VEPH1: variants seen among roughly 807,000 people sequenced by gnomAD.
VEPH1 encodes ventricular zone expressed PH domain containing 1.
A neutral mutation model predicts 85.2 loss-of-function variants in VEPH1; 80 were observed. The observed-to-expected ratio is 0.94, with a 90% CI of 0.78 to 1.13. VEPH1 has a LOEUF of 1.13. Ranked by LOEUF, VEPH1 falls within the 50% of genes most tolerant of loss-of-function variation. The probability of loss-of-function intolerance (pLI) is 0.00; values close to 1 mark genes in which losing one functional copy is unlikely to be tolerated. For synonymous variants in VEPH1, 297 were observed against 348.0 expected, an observed-to-expected ratio of 0.85 and a Z score of 1.63; for missense variants, 955 against 980.5, an observed-to-expected ratio of 0.97 and a Z score of 0.35.
chr3:157,370,211 G>C (rs969039365), intron 7 of VEPH1, among the ~76,000 whole-genome samples: 1 of 152,336 alleles, frequency 6.6e-6, no homozygotes, highest in African/African-American at 2.4e-5. Flanking sequence ...ACTTCCCTTA[G>C]AAACAAATTG....
intron 5 of VEPH1, among the ~76,000 whole-genome samples, chr3:157,417,902 A>G (rs1177407500): frequency 6.6e-6 from 1 of 152,186 alleles, no homozygotes; most frequent in Non-Finnish European, 1.5e-5. Context: ...TAGAGAAAAC[A>G]GGGAGAGATG....
chr3:157,366,577 A>G (rs1311212437), intron 7 of VEPH1, among the ~76,000 whole-genome samples: 2 of 152,110 alleles, frequency 1.3e-5, no homozygotes, highest in African/African-American at 4.8e-5. Flanking sequence ...TCTACTAAAA[A>G]TACAAAAATT....
chr3:157,313,268 A>T (rs1381124893), intron 11 of VEPH1, among the ~76,000 whole-genome samples: 1 of 152,026 alleles, frequency 6.6e-6, no homozygotes, highest in Non-Finnish European at 1.5e-5. Flanking sequence ...TACTGGCCTC[A>T]TATTATCCTC....
chr3:157,440,049 T>C (rs1026565443), intron 4 of VEPH1, among the ~76,000 whole-genome samples: 6 of 152,214 alleles, frequency 3.9e-5, no homozygotes, highest in Non-Finnish European at 5.9e-5. Context: ...CACTACTTTA[T>C]TGAAACTTTA....
chr3:157,369,188 A>AAAC lies in VEPH1; in HGVS notation c.1128-4677_1128-4676insGTT, dbSNP rs1553773075. On this transcript the variant is annotated intron_variant, in intron 7 of 13. Transcript: ENST00000362010. The stretch of plus-strand genomic sequence containing the variant: ...AACAACAAAAACCAAATGAAAAAAA[A>AAAC]AAAAAAAAAAAAAAAACCTCCTGAG... Among the ~76,000 whole-genome samples the AAAC allele has an allele frequency of 2.8e-5, 4 of 143,746 alleles. 1 individual carries two copies. The highest frequency in any genetic ancestry group is 6.1e-5 in the Non-Finnish European group (4 of 65,720). The allele number at this position is 143,746 out of a possible 152,430, so 94.3% of individuals were successfully genotyped here. A position where few individuals can be genotyped will look rare whatever the true frequency, so the allele number is the denominator to read the frequency against.
At chr3:157,484,049 C>T (rs1021624504) in intron 2 of VEPH1, among the ~76,000 whole-genome samples, 3 of 151,868 alleles carry the variant, frequency 2.0e-5, no homozygotes, top group African/African-American at 7.3e-5. Flanking sequence ...ATAGTGAAAC[C>T]ATAGAACACC....
intron 3 of VEPH1, among the ~76,000 whole-genome samples, chr3:157,469,198 C>A (rs944731192): frequency 2.0e-5 from 3 of 152,266 alleles, no homozygotes; most frequent in African/African-American, 4.8e-5. Context: ...CCCCACCAAC[C>A]CTTAACCCTG....
intron 4 of VEPH1, among the ~76,000 whole-genome samples, chr3:157,433,102 TATTA>T (rs916825455): frequency 1.3e-5 from 2 of 152,172 alleles, no homozygotes; most frequent in African/African-American, 4.8e-5. Flanking sequence ...GCTCAGTTCT[TATTA>T]ATATGTCTTT....
chr3:157,502,739 A>G (rs181747842), intron 1 of VEPH1, among the ~76,000 whole-genome samples: 52 of 152,310 alleles, frequency 3.4e-4, no homozygotes, highest in African/African-American at 1.3e-3. Flanking sequence ...TATCTGAAAG[A>G]GTAAAAAAGT....
chr3:157,283,033 G>A (rs1381564381), intron 12 of VEPH1, among the ~76,000 whole-genome samples: 4 of 152,316 alleles, frequency 2.6e-5, no homozygotes, highest in South Asian at 2.1e-4. Flanking sequence ...TTTCCTGCAA[G>A]TAATAATTTC....
chr3:157,359,096 C>T (rs1725764324), intron 9 of VEPH1, among the ~76,000 whole-genome samples: 1 of 152,198 alleles, frequency 6.6e-6, no homozygotes, highest in Non-Finnish European at 1.5e-5. Context: ...ATAAGTCAGC[C>T]TTGCTGATAC....
chr3:157,421,918 G>T (rs1732372341), intron 5 of VEPH1, among the ~76,000 whole-genome samples: 1 of 152,038 alleles, frequency 6.6e-6, no homozygotes, highest in Non-Finnish European at 1.5e-5. Flanking sequence ...TCTTTGTTCT[G>T]GGATCCACAC....
intron 2 of VEPH1, among the ~76,000 whole-genome samples, chr3:157,472,550 A>C (rs1376567768): frequency 6.6e-6 from 1 of 152,098 alleles, no homozygotes; most frequent in East Asian, 1.9e-4. Context: ...TCAGGGGTAC[A>C]TGTGCAAGTT....
chr3:157,284,275 A>G lies in VEPH1; in HGVS notation c.2128+2282T>C, dbSNP rs545549975. On this transcript the variant is annotated intron_variant, in intron 12 of 13. Coordinates refer to ENST00000362010, the MANE Select transcript of VEPH1 (RefSeq NM_001167912.2). ...GCTAAAAACATAAAAGAAGTATGCT[A>G]GATTTTTTCGAATACACCTTTTGGC... is the stretch of plus-strand genomic sequence containing the variant. Among the ~76,000 whole-genome samples, 6 of 152,342 alleles carry G rather than the reference A, an allele frequency of 3.9e-5. No individual in the cohort carries two copies. The East Asian group carries it at 1.2e-3, about 29-fold the overall frequency.
chr3:157,451,267 A>C (rs1184660311), intron 4 of VEPH1, among the ~76,000 whole-genome samples: 1 of 152,198 alleles, frequency 6.6e-6, no homozygotes, highest in Non-Finnish European at 1.5e-5. Context: ...GAATTGTCTT[A>C]TTTGGTATAG....
intron 2 of VEPH1, among the ~76,000 whole-genome samples, chr3:157,480,946 G>A (rs1285538076): frequency 2.0e-5 from 3 of 151,948 alleles, no homozygotes; most frequent in African/African-American, 7.2e-5. Context: ...TGCATCTACA[G>A]CCTCACCAAC....
At chr3:157,424,488 C>A (rs1476544999) in intron 5 of VEPH1, among the ~76,000 whole-genome samples, 1 of 152,108 alleles carries the variant, frequency 6.6e-6, no homozygotes, top group Non-Finnish European at 1.5e-5. Context: ...CAGAAGAAAA[C>A]AGGAAAATGT....
At chr3:157,491,740 G>C (rs1739228387) in intron 2 of VEPH1, among the ~76,000 whole-genome samples, 1 of 152,088 alleles carries the variant, frequency 6.6e-6, no homozygotes, top group South Asian at 2.1e-4. Flanking sequence ...AGGGCTTAAA[G>C]ACAATAATTT....
At chr3:157,322,947 T>C (rs1432344143) in intron 9 of VEPH1, among the ~76,000 whole-genome samples, 1 of 152,196 alleles carries the variant, frequency 6.6e-6, no homozygotes, top group African/African-American at 2.4e-5. Context: ...TAAAATAAAG[T>C]ATGTTTTTGA....
Sources: gnomAD v4.1 joint callset for allele counts (sites outside exome capture counted in the v4.1 genomes callset) on GRCh38, gnomAD v4.1.1 for gene constraint, MANE v1.5 for transcripts, NCBI Gene and HGNC (gene_info 2026-07-23, HGNC 2026-07-21) for gene names.